STAG1: variants seen among roughly 807,000 people sequenced by gnomAD.
The protein encoded by STAG1 is cohesin subunit SA-1.
STAG1 carries 26 observed loss-of-function variants against 170.9 expected under a neutral mutation model. That is an observed-to-expected ratio of 0.15 (90% CI 0.11 to 0.21). The LOEUF is 0.21. Among genes scored for constraint, STAG1 ranks in the 10% least tolerant of loss-of-function variants. The pLI is 1.00. For synonymous variants in STAG1, 514 were observed against 497.7 expected, an observed-to-expected ratio of 1.03 and a Z score of -0.44; for missense variants, 964 against 1,509.5, an observed-to-expected ratio of 0.64 and a Z score of 5.99.
intron 13 of STAG1, among the ~76,000 whole-genome samples, chr3:136,460,669 C>G (rs1168318347): frequency 6.6e-6 from 1 of 151,470 alleles, no homozygotes; most frequent in Non-Finnish European, 1.5e-5. Flanking sequence ...GATACTGAAG[C>G]ACTAATAAAG....
intron 16 of STAG1, among the ~76,000 whole-genome samples, chr3:136,424,624 C>G (rs989647864): frequency 1.3e-5 from 2 of 151,870 alleles, no homozygotes; most frequent in Non-Finnish European, 2.9e-5. Flanking sequence ...TGAGCCACTG[C>G]GCCCAGCCTG....
chr3:136,398,720 C>A (rs1348339640), intron 22 of STAG1, 29 bp downstream of exon 22: 4 of 1,435,758 alleles, frequency 2.8e-6, no homozygotes, highest in African/African-American at 2.8e-5. Flanking sequence ...TCAGTAATAA[C>A]CCTTCTGCCT....
intron 16 of STAG1, 123 bp from the exon 17 acceptor site, chr3:136,423,167 G>A: frequency 1.7e-6 from 1 of 591,454 alleles, no homozygotes; most frequent in South Asian, 3.4e-5. Flanking sequence ...CTTAATGACT[G>A]AAATAAACAC....
At chr3:136,473,201 T>C (rs1316812639) in intron 11 of STAG1, among the ~76,000 whole-genome samples, 2 of 152,146 alleles carry the variant, frequency 1.3e-5, no homozygotes, top group Admixed American at 6.6e-5. Flanking sequence ...GATGGGAACA[T>C]CTAGTTGCAG....
intron 1 of STAG1, among the ~76,000 whole-genome samples, chr3:136,643,004 G>A (rs1245391685): frequency 6.6e-6 from 1 of 152,122 alleles, no homozygotes; most frequent in East Asian, 1.9e-4. Flanking sequence ...CTTCTTATAA[G>A]GACACCAGTC....
In STAG1 at chr3:136,433,253, C is replaced by A. The variant is rs141937174; in HGVS notation, c.1650+303G>T. ...TAAATAGAAGAACTTGCAAACTAGG[C>A]ATTTTGCTTCCAGAGCCTTTATGTA... On this transcript the variant is annotated intron_variant, in intron 16 of 33. Coordinates refer to ENST00000383202, the MANE Select transcript of STAG1 (RefSeq NM_005862.3). Among the ~76,000 whole-genome samples the A allele has an allele frequency of 1.4e-3, 208 of 151,988 alleles. 2 individuals carry two copies. In the East Asian group the frequency reaches 0.038, roughly 28 times the overall value.
At chr3:136,719,611 GTGGGTAGGTGGGTGGC>G (rs1475397018) in intron 1 of STAG1, among the ~76,000 whole-genome samples, 16 of 140,374 alleles carry the variant, frequency 1.1e-4, no homozygotes, top group African/African-American at 3.7e-4. Context: ...GGATGGGTGG[GTGGGTAGGTGGGTGGC>G]TGGGTAGGTG....
At chr3:136,595,676 CAATAAATA>C (rs59472050) in intron 4 of STAG1, among the ~76,000 whole-genome samples, 49,341 of 126,928 alleles carry the variant, frequency 0.39, 10,079 homozygotes, top group East Asian at 0.64. Context: ...GACTCCATCT[CAATAAATA>C]AATAAATAAA....
In STAG1 at chr3:136,583,826, AC is replaced by A. The variant is rs557765749; in HGVS notation, c.298-14966del. Among the ~76,000 whole-genome samples, 593 of 152,304 alleles carry A rather than the reference AC, an allele frequency of 3.9e-3. 2 individuals carry two copies. The highest frequency in any genetic ancestry group is 0.031 in the Middle Eastern group (9 of 294). ...AAAAAACAAAAACAAAAACAAAAAAACAAACCTAATTAGACAGAAGATCAAT... is the reference window on the plus strand; with the variant it reads ...AAAAAACAAAAACAAAAACAAAAAAAAAACCTAATTAGACAGAAGATCAAT... On this transcript the variant is annotated intron_variant, in intron 4 of 33. Coordinates refer to ENST00000383202, the MANE Select transcript of STAG1 (RefSeq NM_005862.3).
intron 19 of STAG1, among the ~76,000 whole-genome samples, chr3:136,421,927 G>C (rs1197771070): frequency 6.6e-6 from 1 of 151,944 alleles, no homozygotes; most frequent in Non-Finnish European, 1.5e-5. Flanking sequence ...GAGGTGGGCG[G>C]ATCACTTGAG....
At chr3:136,709,920 A>C (rs1003961448) in intron 1 of STAG1, among the ~76,000 whole-genome samples, 1 of 151,988 alleles carries the variant, frequency 6.6e-6, no homozygotes, top group African/African-American at 2.4e-5. Context: ...CTGTAATCCC[A>C]GCTACTGGGA....
At chr3:136,686,501 G>T (rs898503357) in intron 1 of STAG1, among the ~76,000 whole-genome samples, 2 of 152,148 alleles carry the variant, frequency 1.3e-5, no homozygotes, top group African/African-American at 4.8e-5. Context: ...AGAGCCACAG[G>T]CATTAGCAAT....
At chr3:136,621,754 T>A (rs1939859515) in intron 3 of STAG1, among the ~76,000 whole-genome samples, 1 of 151,832 alleles carries the variant, frequency 6.6e-6, no homozygotes, top group Admixed American at 6.6e-5. Flanking sequence ...GAAAAATGAC[T>A]TAACTTATCA....
intron 5 of STAG1, among the ~76,000 whole-genome samples, chr3:136,558,444 T>A (rs987184775): frequency 6.6e-6 from 1 of 152,134 alleles, no homozygotes; most frequent in Non-Finnish European, 1.5e-5. Flanking sequence ...AAAGGTAACA[T>A]CGCAATACAG....
At chr3:136,674,392 GACAGA>G (rs986783435) in intron 1 of STAG1, among the ~76,000 whole-genome samples, 1 of 152,174 alleles carries the variant, frequency 6.6e-6, no homozygotes, top group African/African-American at 2.4e-5. Context: ...CAAGAAGCCA[GACAGA>G]ACAGTACATA....
intron 1 of STAG1, among the ~76,000 whole-genome samples, chr3:136,678,864 AAAGAAAAAG>A (rs952493159): frequency 8.6e-5 from 13 of 150,810 alleles, no homozygotes; most frequent in African/African-American, 3.2e-4. Flanking sequence ...AAAAAAAAAA[AAAGAAAAAG>A]AAGAAAAAGA....
At chr3:136,743,159 G>A (rs988728667) in intron 1 of STAG1, among the ~76,000 whole-genome samples, 1 of 152,074 alleles carries the variant, frequency 6.6e-6, no homozygotes, top group African/African-American at 2.4e-5. Flanking sequence ...TTGAGGCCAG[G>A]AATTCAAAAC....
At chr3:136,650,932 A>C (rs909418479) in intron 1 of STAG1, among the ~76,000 whole-genome samples, 7 of 152,144 alleles carry the variant, frequency 4.6e-5, no homozygotes, top group African/African-American at 1.4e-4. Context: ...AAAAAAAAAA[A>C]AACAAGGAAG....
chr3:136,461,278 T>C (rs1298018467), intron 13 of STAG1, among the ~76,000 whole-genome samples: 1 of 152,172 alleles, frequency 6.6e-6, no homozygotes, highest in Non-Finnish European at 1.5e-5. Context: ...AAGACCAGGA[T>C]GCCAACTTTC....
Sources: gnomAD v4.1 joint callset for allele counts (sites outside exome capture counted in the v4.1 genomes callset) on GRCh38, gnomAD v4.1.1 for gene constraint, MANE v1.5 for transcripts, NCBI Gene and HGNC (gene_info 2026-07-23, HGNC 2026-07-21) for gene names.